The following MORC1 variants were observed in gnomAD, a reference collection of about 807,000 sequenced individuals.
The protein encoded by MORC1 is MORC family CW-type zinc finger 1, also known as MORC family CW-type zinc finger protein 1.
MORC1 carries 59 observed loss-of-function variants against 134.9 expected under a neutral mutation model. The ratio of observed to expected loss-of-function variants is 0.44; its 90% CI spans 0.35 to 0.54. MORC1 has a LOEUF of 0.54. MORC1 is among the 20% of genes least tolerant of loss of function. MORC1 has a pLI of 0.00. For missense variants in MORC1, 947 were observed against 1,134.5 expected (o/e 0.83, Z 2.37); for synonymous variants, 395 against 391.7 (o/e 1.01, Z -0.10).
chr3:109,011,487 C>T (rs1948681886), intron 17 of MORC1, among the ~76,000 whole-genome samples: 1 of 151,046 alleles, frequency 6.6e-6, no homozygotes, highest in Admixed American at 6.6e-5. Flanking sequence ...TATTTTTTAA[C>T]TGCATTGTCT....
chr3:109,093,413 C>T (rs1950766946), intron 8 of MORC1, 23 bp downstream of exon 8: 6 of 1,574,388 alleles, frequency 3.8e-6, no homozygotes, highest in Admixed American at 3.4e-5. Context: ...TGTTGAAAAA[C>T]ATTCTGTCAA....
chr3:109,068,252 T>C (rs547408740), intron 9 of MORC1, among the ~76,000 whole-genome samples: 4 of 152,242 alleles, frequency 2.6e-5, no homozygotes, highest in Non-Finnish European at 5.9e-5. Flanking sequence ...AGGTGGTGTT[T>C]GGTTACATGA....
chr3:109,047,855 GAAGAAAACATAATA>G, intron 14 of MORC1, among the ~76,000 whole-genome samples: 2 of 152,132 alleles, frequency 1.3e-5, no homozygotes, highest in African/African-American at 4.8e-5. Flanking sequence ...TAGAGCTGAT[GAAGAAAACATAATA>G]GAATGAGAAT....
intron 15 of MORC1, 135 bp downstream of exon 15, chr3:109,035,205 T>C (rs1949345861): frequency 5.4e-6 from 4 of 741,856 alleles, no homozygotes; most frequent in Non-Finnish European, 8.5e-6. Context: ...CACTTATAAC[T>C]TTCTTCCAGA....
intron 1 of MORC1, 59 bp from the exon 2 acceptor site, chr3:109,114,496 G>A (rs529432939): frequency 6.9e-7 from 1 of 1,455,572 alleles, no homozygotes; most frequent in African/African-American, 1.4e-5. Flanking sequence ...CAATGTAAAA[G>A]CTTTAAGATT....
Position 108,958,412 on chromosome 3 carries a change from G to A in MORC1, c.*553C>T, listed in dbSNP as rs980769796. ...ATATGTATACATATTATGCTTAGGA[G>A]ATTTATTCTTTTACTATGACTAAAT... On this transcript the variant is annotated 3_prime_UTR_variant, in exon 28 of 28. Coordinates refer to ENST00000232603, the MANE Select transcript of MORC1 (RefSeq NM_014429.4). The A allele has an allele frequency of 6.6e-6, 1 of 151,842 alleles. No homozygotes were observed. The highest frequency in any genetic ancestry group is 1.5e-5 in the Non-Finnish European group (1 of 67,922). 9.4% of individuals were successfully genotyped at this position (151,842 alleles called of 1,614,324 possible).
chr3:109,091,446 A>AAAT (rs1553762144), intron 8 of MORC1, among the ~76,000 whole-genome samples: 44,532 of 146,732 alleles, frequency 0.3, 8,170 homozygotes, highest in East Asian at 0.75. Flanking sequence ...TCCATCTAAA[A>AAAT]AAATAAATAA....
intron 21 of MORC1, among the ~76,000 whole-genome samples, chr3:108,988,198 C>T (rs1341368909): frequency 6.6e-6 from 1 of 152,034 alleles, no homozygotes; most frequent in Non-Finnish European, 1.5e-5. Flanking sequence ...GTTAAATGGG[C>T]ACATGTGTAG....
At chr3:109,043,190 G>A (rs1433171430) in intron 14 of MORC1, among the ~76,000 whole-genome samples, 1 of 23,204 alleles carries the variant, frequency 4.3e-5, no homozygotes, top group Non-Finnish European at 9.8e-5. Flanking sequence ...GCAAAATGTG[G>A]GGGGGGGGGG....
intron 8 of MORC1, among the ~76,000 whole-genome samples, chr3:109,080,268 C>A (rs894212976): frequency 1.3e-5 from 2 of 152,148 alleles, no homozygotes; most frequent in Admixed American, 1.3e-4. Flanking sequence ...TCACGTCTTA[C>A]ATGGATGGCA....
intron 17 of MORC1, among the ~76,000 whole-genome samples, chr3:109,010,189 CT>C (rs1428235838): frequency 6.6e-6 from 1 of 152,070 alleles, no homozygotes; most frequent in Non-Finnish European, 1.5e-5. Flanking sequence ...TCATTTTCAG[CT>C]TGTGGGCCAT....
intron 22 of MORC1, among the ~76,000 whole-genome samples, chr3:108,986,114 G>A (rs987025008): frequency 2.6e-5 from 4 of 152,070 alleles, no homozygotes; most frequent in Non-Finnish European, 4.4e-5. Context: ...AATGAGCTGA[G>A]ACTAAGAAGA....
intron 17 of MORC1, among the ~76,000 whole-genome samples, chr3:109,025,856 C>T (rs536438762): frequency 1.4e-4 from 21 of 152,246 alleles, no homozygotes; most frequent in South Asian, 1.2e-3. Context: ...TAATATCTGA[C>T]GGCATGTTTT....
chr3:109,111,281 T>C (rs1038982756), intron 2 of MORC1, among the ~76,000 whole-genome samples: 1 of 152,186 alleles, frequency 6.6e-6, no homozygotes, highest in Non-Finnish European at 1.5e-5. Context: ...AAATGGCCCA[T>C]CAACTGTTTG....
chr3:108,971,429 G>A (rs1157427406), intron 24 of MORC1, 27 bp from the exon 25 acceptor site: 1 of 1,587,552 alleles, frequency 6.3e-7, no homozygotes, highest in African/African-American at 1.3e-5. Flanking sequence ...AGCAGATATG[G>A]GAATATACTA....
chr3:109,081,644 A>G (rs1239665164), intron 8 of MORC1, among the ~76,000 whole-genome samples: 1 of 151,976 alleles, frequency 6.6e-6, no homozygotes, highest in Non-Finnish European at 1.5e-5. Context: ...TACTAGAGAC[A>G]GGGTTTCAGT....
intron 20 of MORC1, among the ~76,000 whole-genome samples, chr3:109,003,276 T>TAC (rs1202351163): frequency 1.2e-4 from 18 of 151,480 alleles, no homozygotes; most frequent in African/African-American, 3.6e-4. Context: ...TATATATATA[T>TAC]ACACACACAG....
At chr3:109,067,851 A>T (rs2107701546) in intron 9 of MORC1, among the ~76,000 whole-genome samples, 1 of 152,278 alleles carries the variant, frequency 6.6e-6, no homozygotes, top group African/African-American at 2.4e-5. Flanking sequence ...GAGATCTATA[A>T]TTTTTAGTAT....
intron 8 of MORC1, among the ~76,000 whole-genome samples, chr3:109,083,312 G>A (rs200823630): frequency 2.7e-4 from 40 of 146,972 alleles, no homozygotes; most frequent in Non-Finnish European, 2.8e-4. Flanking sequence ...CTAAGGTAAA[G>A]AAAAAAAAAA....
Sources: allele counts gnomAD v4.1 joint callset (sites outside exome capture counted in the v4.1 genomes callset), GRCh38; gene constraint gnomAD v4.1.1; transcripts MANE v1.5; gene names NCBI Gene and HGNC (gene_info 2026-07-23, HGNC 2026-07-21).